RBFOX1: variants seen among roughly 807,000 people sequenced by gnomAD.
The protein encoded by RBFOX1 is RNA binding protein fox-1 homolog 1.
In RBFOX1, 8 loss-of-function variants were observed where a neutral mutation model predicts 57.7. The ratio of observed to expected loss-of-function variants is 0.14; its 90% confidence interval spans 0.08 to 0.25. RBFOX1 has a LOEUF of 0.25. Among genes scored for constraint, RBFOX1 ranks in the 10% least tolerant of loss-of-function variants. The pLI is 1.00. For missense variants in RBFOX1, 611 were observed against 548.5 expected (o/e 1.11, Z -1.14); for synonymous variants, 326 against 222.4 (o/e 1.47, Z -4.15).
intron 3 of RBFOX1, among the ~76,000 whole-genome samples, chr16:7,018,275 A>C (rs932517851): frequency 6.6e-6 from 1 of 152,138 alleles, no homozygotes; most frequent in African/African-American, 2.4e-5. Flanking sequence ...TCCTTATGCA[A>C]GGGGACTTCT....
chr16:5,605,859 G>A (rs193046610), intron 3 of RBFOX1, among the ~76,000 whole-genome samples: 297 of 152,226 alleles, frequency 2.0e-3, no homozygotes, highest in Non-Finnish European at 3.5e-3. Context: ...AGAACAGGAG[G>A]GGAGAGTGCC....
intron 3 of RBFOX1, among the ~76,000 whole-genome samples, chr16:6,851,605 A>G (rs2141988849): frequency 6.6e-6 from 1 of 152,316 alleles, no homozygotes; most frequent in South Asian, 2.1e-4. Flanking sequence ...ATCTTGTCTT[A>G]ATTATCTTTA....
chr16:7,107,831 C>G (rs1022818753), intron 4 of RBFOX1, among the ~76,000 whole-genome samples: 14 of 152,124 alleles, frequency 9.2e-5, no homozygotes, highest in Non-Finnish European at 1.9e-4. Context: ...TCTTAAACAT[C>G]TCTAACAATA....
chr16:7,255,168 C>G (rs1033973742), intron 4 of RBFOX1, among the ~76,000 whole-genome samples: 1 of 152,132 alleles, frequency 6.6e-6, no homozygotes, highest in Non-Finnish European at 1.5e-5. Flanking sequence ...AAGATAGTTT[C>G]TATTTTAGAC....
Position 5,608,386 on chromosome 16 carries a change from G to A in RBFOX1, c.318+9425G>A, listed in dbSNP as rs540222264. Among the ~76,000 whole-genome samples the A allele has an allele frequency of 2.2e-4, 33 of 152,260 alleles. 1 individual carries two copies. Among genetic ancestry groups the A allele is most frequent in the African/African-American group, 7.0e-4 (29 of 41,560 alleles). On this transcript the variant is annotated intron_variant, in intron 3 of 19. Transcript: ENST00000641259. ...GCTCTGGAGGTGTGAGGGTCCACAC[G>A]TGGCCACATGATGAAGGGGCAATAT... is the stretch of plus-strand genomic sequence containing the variant.
chr16:7,119,635 G>A (rs577860419), intron 4 of RBFOX1, among the ~76,000 whole-genome samples: 1 of 151,636 alleles, frequency 6.6e-6, no homozygotes, highest in East Asian at 1.9e-4. Context: ...AAGGATAAGA[G>A]GGCCAAGTCA....
At chr16:6,957,387 C>T (rs960135873) in intron 3 of RBFOX1, among the ~76,000 whole-genome samples, 20 of 149,222 alleles carry the variant, frequency 1.3e-4, no homozygotes, top group Middle Eastern at 3.4e-3. Context: ...TCCCAATGTG[C>T]TGCGACTCAC....
chr16:7,247,908 G>A (rs1407542268), intron 4 of RBFOX1, among the ~76,000 whole-genome samples: 1 of 152,122 alleles, frequency 6.6e-6, no homozygotes, highest in African/African-American at 2.4e-5. Context: ...GGTGGGAGTA[G>A]GGAGAGGATC....
intron 1 of RBFOX1, among the ~76,000 whole-genome samples, chr16:6,220,341 C>T (rs888239529): frequency 1.3e-5 from 2 of 152,088 alleles, no homozygotes; most frequent in East Asian, 3.9e-4. Context: ...AGATACTAGG[C>T]CCACCCCTTT....
At chr16:7,572,781 G>C (rs999962687) in intron 5 of RBFOX1, among the ~76,000 whole-genome samples, 1 of 151,972 alleles carries the variant, frequency 6.6e-6, no homozygotes, top group Non-Finnish European at 1.5e-5. Flanking sequence ...AGAGCTTGCA[G>C]TGAGCCAAGA....
chr16:5,380,302 A>G (rs2066098958), intron 1 of RBFOX1, among the ~76,000 whole-genome samples: 1 of 152,208 alleles, frequency 6.6e-6, no homozygotes, highest in Non-Finnish European at 1.5e-5. Context: ...TAGGGGAATT[A>G]TTCAATCTAT....
At chr16:6,967,719 G>C (rs1287407780) in intron 3 of RBFOX1, among the ~76,000 whole-genome samples, 1 of 152,004 alleles carries the variant, frequency 6.6e-6, no homozygotes, top group Non-Finnish European at 1.5e-5. Context: ...TGGTCAAATG[G>C]GTCTTCTTTA....
At chr16:6,350,893 A>G (rs1324650241) in intron 2 of RBFOX1, among the ~76,000 whole-genome samples, 2 of 152,210 alleles carry the variant, frequency 1.3e-5, no homozygotes, top group African/African-American at 4.8e-5. Context: ...CTAGGTTTCT[A>G]TGAGGGCACT....
At chr16:5,257,506 C>G (rs909094643) in intron 1 of RBFOX1, among the ~76,000 whole-genome samples, 3 of 152,194 alleles carry the variant, frequency 2.0e-5, no homozygotes, top group African/African-American at 7.2e-5. Context: ...CTCCTCCTCT[C>G]CAAGAGATGA....
intron 4 of RBFOX1, among the ~76,000 whole-genome samples, chr16:5,897,332 G>A (rs1173561460): frequency 6.6e-6 from 1 of 152,068 alleles, no homozygotes; most frequent in African/African-American, 2.4e-5. Flanking sequence ...ACCGCGCCCG[G>A]CCCTCCATCC....
chr16:5,732,556 G>T (rs991148209), intron 3 of RBFOX1, among the ~76,000 whole-genome samples: 1 of 152,216 alleles, frequency 6.6e-6, no homozygotes, highest in Non-Finnish European at 1.5e-5. Context: ...TCAGGCAGAC[G>T]ATGGTTAGAA....
At chr16:7,150,800 C>G (rs1049785143) in intron 4 of RBFOX1, among the ~76,000 whole-genome samples, 6 of 152,198 alleles carry the variant, frequency 3.9e-5, no homozygotes, top group African/African-American at 1.4e-4. Flanking sequence ...TAATAATTTA[C>G]TCAATCTATT....
intron 3 of RBFOX1, among the ~76,000 whole-genome samples, chr16:6,773,658 T>C (rs111208321): frequency 0.16 from 12,379 of 78,846 alleles, 1,762 homozygotes; most frequent in African/African-American, 0.43. Context: ...GTGTGGGGTC[T>C]ATTTGTGTGT....
At chr16:7,690,076 C>G (rs945216307) in intron 14 of RBFOX1, among the ~76,000 whole-genome samples, 7 of 152,038 alleles carry the variant, frequency 4.6e-5, no homozygotes, top group Non-Finnish European at 1.0e-4. Flanking sequence ...TTCCTTGAAT[C>G]TCTTGAATCC....
Sources: gnomAD v4.1 joint callset for allele counts (sites outside exome capture counted in the v4.1 genomes callset) on GRCh38, gnomAD v4.1.1 for gene constraint, MANE v1.5 for transcripts, NCBI Gene and HGNC (gene_info 2026-07-23, HGNC 2026-07-21) for gene names.